Variants in RBM33 observed in about 807,000 individuals in gnomAD.
RBM33 encodes RNA-binding protein 33.
RBM33 carries 28 observed loss-of-function variants against 132.6 expected under a neutral mutation model. The ratio of observed to expected loss-of-function variants is 0.21; its 90% CI spans 0.16 to 0.29. The LOEUF (loss-of-function observed/expected upper bound fraction) is 0.29. RBM33 is among the 10% of genes least tolerant of loss of function. RBM33 has a pLI of 1.00. For synonymous variants in RBM33, 634 were observed against 593.0 expected (o/e 1.07, Z -1.01); for missense variants, 1,291 against 1,518.5 (o/e 0.85, Z 2.49).
At chr7:155,673,020 A>G in intron 3 of RBM33, 105 bp downstream of exon 3, 1 of 641,686 alleles carries the variant, frequency 1.6e-6, no homozygotes, top group South Asian at 2.9e-5. Flanking sequence ...AAAGTTGGGT[A>G]TAGATTAAAA....
intron 9 of RBM33, among the ~76,000 whole-genome samples, chr7:155,720,230 T>C (rs1024681643): frequency 6.6e-6 from 1 of 152,224 alleles, no homozygotes; most frequent in African/African-American, 2.4e-5. Flanking sequence ...AGAAGTGTTC[T>C]CTTCAGCCCA....
In RBM33 at chr7:155,732,442, T is replaced by C. The variant is rs566416159; in HGVS notation, c.1261-5088T>C. Among the ~76,000 whole-genome samples, 7 of 152,296 alleles carry C rather than the reference T, an allele frequency of 4.6e-5. No homozygotes were observed. In the East Asian group the frequency reaches 1.4e-3, roughly 29 times the overall value. Reference sequence around the variant, plus strand: ...CCAATATCTGCTTTTTTAAGCCAGCTCATTAGCATAGTAGTGACTGATAGA... The same window carrying C: ...CCAATATCTGCTTTTTTAAGCCAGCCCATTAGCATAGTAGTGACTGATAGA... On this transcript the variant is annotated intron_variant, in intron 9 of 17. Transcript: ENST00000401878.
chr7:155,722,368 T>C (rs1052391619), intron 9 of RBM33, among the ~76,000 whole-genome samples: 9 of 152,324 alleles, frequency 5.9e-5, no homozygotes, highest in African/African-American at 2.2e-4. Context: ...CACGAAACAC[T>C]GTGTTGTGTT....
At chr7:155,700,501 A>G (rs919390580) in intron 5 of RBM33, among the ~76,000 whole-genome samples, 1 of 149,592 alleles carries the variant, frequency 6.7e-6, no homozygotes, top group Admixed American at 6.6e-5. Context: ...GTAAGCAGCA[A>G]TGATGTGTAG....
intron 6 of RBM33, among the ~76,000 whole-genome samples, chr7:155,703,183 C>T (rs1002301370): frequency 6.6e-6 from 1 of 152,234 alleles, no homozygotes; most frequent in African/African-American, 2.4e-5. Flanking sequence ...TCCTTCTTCT[C>T]AGGACTTTTC....
intron 2 of RBM33, among the ~76,000 whole-genome samples, chr7:155,671,165 A>C (rs1798933371): frequency 6.6e-6 from 1 of 152,212 alleles, no homozygotes; most frequent in East Asian, 1.9e-4. Context: ...TGTTGACTAG[A>C]CAGCATTGTT....
At chr7:155,749,904 A>G (rs987975426) in intron 14 of RBM33, among the ~76,000 whole-genome samples, 1 of 152,236 alleles carries the variant, frequency 6.6e-6, no homozygotes, top group Non-Finnish European at 1.5e-5. Context: ...ATTAAGTCAC[A>G]TTTTGCATTT....
chr7:155,739,652 G>T, intron 11 of RBM33, 63 bp from the exon 12 acceptor site: 5 of 1,452,054 alleles, frequency 3.4e-6, no homozygotes, highest in Non-Finnish European at 4.6e-6. Context: ...GGAAATGATT[G>T]AAGTGATTAT....
At chr7:155,759,999 G>T (rs1469728350) in intron 14 of RBM33, among the ~76,000 whole-genome samples, 2 of 152,210 alleles carry the variant, frequency 1.3e-5, no homozygotes, top group Non-Finnish European at 2.9e-5. Flanking sequence ...TCTTAGTGGT[G>T]TAGTAAATAG....
chr7:155,754,000 C>T (rs1801768078), intron 14 of RBM33, among the ~76,000 whole-genome samples: 1 of 152,172 alleles, frequency 6.6e-6, no homozygotes. Flanking sequence ...TTTTTAAGAG[C>T]TTTGAAATGT....
chr7:155,768,347 A>T (rs937973538), intron 16 of RBM33, among the ~76,000 whole-genome samples: 8 of 152,116 alleles, frequency 5.3e-5, no homozygotes, highest in Non-Finnish European at 1.2e-4. Flanking sequence ...TGAATTTTGC[A>T]TTTTGTACCG....
chr7:155,657,498 T>C (rs1199214892), intron 1 of RBM33, among the ~76,000 whole-genome samples: 3 of 152,068 alleles, frequency 2.0e-5, no homozygotes, highest in African/African-American at 4.8e-5. Flanking sequence ...TTAGATGCTC[T>C]TTTTTTTCGT....
In RBM33 at chr7:155,738,082, G is replaced by A. The variant is rs367707731; in HGVS notation, c.1416G>A (p.Pro472=). 60 of 1,613,110 alleles carry A rather than the reference G, an allele frequency of 3.7e-5. No homozygotes were observed. Among genetic ancestry groups the A allele is most frequent in the African/African-American group, 1.3e-4 (10 of 74,832 alleles). The part of the protein sequence containing the change: ...FLGVSGEPRF[P]SHLFLEQRSP... ...CAGTTTCAGGTGAACCAAGATTCCC[G>A]AGCCATCTTTTTCTGGAACAGCGAA... The change falls in exon 11 of 18, where the codon CCG becomes CCA. Residue 472 remains proline (P), a synonymous_variant. Transcript: ENST00000401878.
intron 2 of RBM33, among the ~76,000 whole-genome samples, chr7:155,671,231 A>G (rs1000142149): frequency 6.6e-6 from 1 of 152,200 alleles, no homozygotes; most frequent in Non-Finnish European, 1.5e-5. Flanking sequence ...ATTGTATTTG[A>G]TAGATGATAG....
Position 155,684,804 on chromosome 7 carries a change from T to C in RBM33, c.567+3896T>C, listed in dbSNP as rs1462530314. 7 of 995,092 alleles carry C rather than the reference T, an allele frequency of 7.0e-6. No individual in the cohort carries two copies. The African/African-American group carries it at 9.9e-5, about 14-fold the overall frequency. 61.6% of individuals were successfully genotyped at this position (995,092 alleles called of 1,614,324 possible). On this transcript the variant is annotated intron_variant, in intron 5 of 17. Coordinates refer to ENST00000401878, the MANE Select transcript of RBM33 (RefSeq NM_053043.3). ...TGTTTCTGGGCCTGGTGCTTTGTGC[T>C]CAGTCAGCTAATCACCATAGTAAAA...
chr7:155,768,612 G>A (rs535279082), intron 16 of RBM33, among the ~76,000 whole-genome samples: 1 of 152,278 alleles, frequency 6.6e-6, no homozygotes, highest in South Asian at 2.1e-4. Flanking sequence ...GTAACTGCAT[G>A]TTATTTTTTG....
intron 3 of RBM33, among the ~76,000 whole-genome samples, chr7:155,677,653 C>T (rs1009691562): frequency 6.6e-6 from 1 of 152,022 alleles, no homozygotes; most frequent in Admixed American, 6.5e-5. Context: ...GAGTCCTGTG[C>T]GACTAAGAAG....
chr7:155,740,001 GC>G lies in RBM33; in HGVS notation c.2029del (p.Gln677SerfsTer14), dbSNP rs1178373167. ...QPQASSSRMQCPQRQGLRHNT... is the reference protein window; with the variant it reads ...QPQASSSRMQXPQRQGLRHNT... ...CAGGCCAGCAGCAGCCGGATGCAGT[GC>G]CCCCAGCGCCAGGGGCTCCGGCATG... On this transcript the variant is annotated frameshift_variant, in exon 12 of 18. Coordinates refer to ENST00000401878, the MANE Select transcript of RBM33 (RefSeq NM_053043.3). LOFTEE classifies it high-confidence loss of function. 3 of 1,557,202 alleles carry G rather than the reference GC, an allele frequency of 1.9e-6. No homozygotes were observed. The highest frequency in any genetic ancestry group is 2.6e-6 in the Non-Finnish European group (3 of 1,147,542).
chr7:155,703,627 C>T (rs185203503), intron 6 of RBM33, among the ~76,000 whole-genome samples: 60 of 152,266 alleles, frequency 3.9e-4, no homozygotes, highest in Middle Eastern at 6.8e-3. Context: ...ATTTTTCTGT[C>T]CGTCAAAAGA....
Sources: gnomAD v4.1 joint callset for allele counts (sites outside exome capture counted in the v4.1 genomes callset) on GRCh38, gnomAD v4.1.1 for gene constraint, MANE v1.5 for transcripts, NCBI Gene and HGNC (gene_info 2026-07-23, HGNC 2026-07-21) for gene names.